Variants in PDE3B observed in about 807,000 individuals in gnomAD.
The protein encoded by PDE3B is cGMP-inhibited 3',5'-cyclic phosphodiesterase 3B.
Under a neutral mutation model 116.8 loss-of-function variants are expected in PDE3B, and 66 were observed. That is an observed-to-expected ratio of 0.56 (90% CI 0.46 to 0.69). The LOEUF (loss-of-function observed/expected upper bound fraction) is 0.69, where lower values mean the gene tolerates loss of function less well. Ranked by LOEUF, PDE3B falls within the 30% of genes least tolerant of loss-of-function variation. The probability of loss-of-function intolerance (pLI) is 0.00; values close to 1 mark genes in which losing one functional copy is unlikely to be tolerated. For missense variants in PDE3B, 1,384 were observed against 1,368.1 expected (o/e 1.01, Z -0.18); for synonymous variants, 595 against 533.6 (o/e 1.12, Z -1.59).
intron 1 of PDE3B, among the ~76,000 whole-genome samples, chr11:14,759,548 G>GT (rs1212052756): frequency 0.13 from 17,069 of 129,114 alleles, 1,336 homozygotes; most frequent in African/African-American, 0.21. Flanking sequence ...ATCAGAAGTA[G>GT]TTTTTTTTTT....
chr11:14,859,796 A>C (rs1165278326), intron 13 of PDE3B, among the ~76,000 whole-genome samples: 1 of 152,314 alleles, frequency 6.6e-6, no homozygotes, highest in East Asian at 1.9e-4. Flanking sequence ...ATGTACAGAC[A>C]TTGTACTAGG....
At chr11:14,747,634 G>A (rs1293401738) in intron 1 of PDE3B, among the ~76,000 whole-genome samples, 1 of 152,114 alleles carries the variant, frequency 6.6e-6, no homozygotes, top group Admixed American at 6.6e-5. Flanking sequence ...AGCATATCGT[G>A]TGCATAATCC....
At chr11:14,665,389 T>C (rs1854101381) in intron 1 of PDE3B, among the ~76,000 whole-genome samples, 2 of 152,174 alleles carry the variant, frequency 1.3e-5, no homozygotes, top group Non-Finnish European at 2.9e-5. Flanking sequence ...ACCACTCCTA[T>C]TCCACATACT....
chr11:14,690,266 A>G (rs948621835), intron 1 of PDE3B, among the ~76,000 whole-genome samples: 2 of 152,216 alleles, frequency 1.3e-5, no homozygotes, highest in African/African-American at 2.4e-5. Flanking sequence ...GAAAGAAAAT[A>G]TATGAGTTTC....
chr11:14,664,269 G>A (rs1233877828), intron 1 of PDE3B, among the ~76,000 whole-genome samples: 1 of 152,166 alleles, frequency 6.6e-6, no homozygotes, highest in African/African-American at 2.4e-5. Flanking sequence ...TCAAAGCAGT[G>A]TGTAGAGGGA....
At chr11:14,741,801 C>T (rs895540033) in intron 1 of PDE3B, among the ~76,000 whole-genome samples, 1 of 152,130 alleles carries the variant, frequency 6.6e-6, no homozygotes, top group Non-Finnish European at 1.5e-5. Flanking sequence ...CAAAATCTCT[C>T]AGCATTTGCT....
chr11:14,835,547 C>T (rs1184740282), intron 11 of PDE3B, among the ~76,000 whole-genome samples: 1 of 151,950 alleles, frequency 6.6e-6, no homozygotes, highest in Non-Finnish European at 1.5e-5. Flanking sequence ...TCAATGATGA[C>T]ATTAAAAACT....
chr11:14,812,172 TTAGA>T (rs1216453105), intron 5 of PDE3B, among the ~76,000 whole-genome samples: 1 of 152,174 alleles, frequency 6.6e-6, no homozygotes, highest in African/African-American at 2.4e-5. Context: ...TATTCCAGAA[TTAGA>T]TAGTGGTGAT....
intron 1 of PDE3B, among the ~76,000 whole-genome samples, chr11:14,657,512 T>C (rs1307450033): frequency 1.3e-5 from 2 of 152,202 alleles, no homozygotes; most frequent in Non-Finnish European, 2.9e-5. Flanking sequence ...TTTTTACCAA[T>C]ATATGGGAAA....
intron 1 of PDE3B, among the ~76,000 whole-genome samples, chr11:14,715,327 T>C (rs1159082023): frequency 5.9e-5 from 9 of 152,322 alleles, no homozygotes; most frequent in Admixed American, 3.9e-4. Context: ...GGGGATGGCA[T>C]TGGATCTATA....
chr11:14,804,130 A>T (rs868601413), intron 5 of PDE3B, 80 bp downstream of exon 5: 2 of 748,604 alleles, frequency 2.7e-6, no homozygotes, highest in East Asian at 5.2e-5. Context: ...TCACATATTT[A>T]TAGCTAATTT....
chr11:14,690,143 C>T (rs118059895), intron 1 of PDE3B, among the ~76,000 whole-genome samples: 4,719 of 152,168 alleles, frequency 0.031, 108 homozygotes, highest in Middle Eastern at 0.058. Flanking sequence ...TGGACGTGTC[C>T]TATAATGCAT....
At chr11:14,665,948 G>T (rs1854127069) in intron 1 of PDE3B, among the ~76,000 whole-genome samples, 1 of 152,102 alleles carries the variant, frequency 6.6e-6, no homozygotes, top group Non-Finnish European at 1.5e-5. Context: ...AGTTCATATG[G>T]AATGAAAAAA....
chr11:14,646,584 A>G (rs1853414556), intron 1 of PDE3B, among the ~76,000 whole-genome samples: 1 of 152,202 alleles, frequency 6.6e-6, no homozygotes, highest in Non-Finnish European at 1.5e-5. Flanking sequence ...ATGTGAACAA[A>G]TTGCATTTTT....
chr11:14,685,933 A>T (rs909217559), intron 1 of PDE3B, among the ~76,000 whole-genome samples: 2 of 152,166 alleles, frequency 1.3e-5, no homozygotes, highest in African/African-American at 2.4e-5. Context: ...AGCCAGAGTG[A>T]TTCTACCTAT....
intron 1 of PDE3B, among the ~76,000 whole-genome samples, chr11:14,649,303 A>G (rs1853498436): frequency 6.6e-6 from 1 of 152,208 alleles, no homozygotes; most frequent in Non-Finnish European, 1.5e-5. Context: ...AGCCTATTTC[A>G]GTATAAATGT....
intron 4 of PDE3B, among the ~76,000 whole-genome samples, chr11:14,789,988 AT>A (rs1298600584): frequency 6.6e-6 from 1 of 152,000 alleles, no homozygotes. Context: ...TAATATTGGA[AT>A]TGGCACAAAT....
intron 1 of PDE3B, among the ~76,000 whole-genome samples, chr11:14,675,428 T>C (rs1854505416): frequency 6.6e-6 from 1 of 152,118 alleles, no homozygotes; most frequent in Admixed American, 6.6e-5. Flanking sequence ...TGGGCCTAAA[T>C]GTTGAGTTGA....
At position 14,769,891 on chromosome 11, in the gene PDE3B, C is replaced by G. The variant is rs142006499; in HGVS notation, c.979-2046C>G. Among the ~76,000 whole-genome samples, 296 of 149,660 alleles carry G rather than the reference C, an allele frequency of 2.0e-3. 1 individual carries two copies. Among genetic ancestry groups the G allele is most frequent in the African/African-American group, 6.6e-3 (272 of 40,988 alleles). On this transcript the variant is annotated intron_variant, in intron 1 of 15. Transcript: ENST00000282096. Reference sequence around the variant, plus strand: ...ATATCACATGAATACAAACATGGCTCTTGGCATTAGAGTACAAATATTTAA... The same window carrying G: ...ATATCACATGAATACAAACATGGCTGTTGGCATTAGAGTACAAATATTTAA...
Sources: allele counts gnomAD v4.1 joint callset (sites outside exome capture counted in the v4.1 genomes callset), GRCh38; gene constraint gnomAD v4.1.1; transcripts MANE v1.5; gene names NCBI Gene and HGNC (gene_info 2026-07-23, HGNC 2026-07-21).